Variants in TASP1 observed in about 807,000 individuals in gnomAD.
The protein encoded by TASP1 is threonine aspartase 1.
TASP1 carries 16 observed loss-of-function variants against 56.6 expected under a neutral mutation model. The ratio of observed to expected loss-of-function variants is 0.28; its 90% CI spans 0.19 to 0.43. The LOEUF (loss-of-function observed/expected upper bound fraction) is 0.43, where lower values mean the gene tolerates loss of function less well. Ranked by LOEUF, TASP1 falls within the 20% of genes least tolerant of loss-of-function variation. The pLI is 1.00. For missense variants in TASP1, 393 were observed against 511.6 expected (o/e 0.77, Z 2.24); for synonymous variants, 179 against 184.2 (o/e 0.97, Z 0.23).
chr20:13,116,526 A>C, the TASP1 span, among the ~76,000 whole-genome samples: 1 of 152,132 alleles, frequency 6.6e-6, no homozygotes, highest in Admixed American at 6.5e-5. Context: ...TTATTCATAG[A>C]CTACATTTTT....
the TASP1 span, among the ~76,000 whole-genome samples, chr20:13,353,108 C>T: frequency 6.6e-6 from 1 of 152,114 alleles, no homozygotes; most frequent in African/African-American, 2.4e-5. Context: ...GCTTACTGGG[C>T]ACCTGTAGTC....
chr20:13,588,047 G>A (rs1006982359), intron 4 of TASP1, among the ~76,000 whole-genome samples: 1 of 151,940 alleles, frequency 6.6e-6, no homozygotes, highest in African/African-American at 2.4e-5. Flanking sequence ...GATCACTGAA[G>A]CCTAGGAGAT....
At chr20:13,186,393 G>T in the TASP1 span, among the ~76,000 whole-genome samples, 1 of 152,106 alleles carries the variant, frequency 6.6e-6, no homozygotes, top group African/African-American at 2.4e-5. Flanking sequence ...ACCTAAAGAG[G>T]CTGCAGGGGA....
chr20:13,617,430 G>GA (rs972044333), intron 4 of TASP1, among the ~76,000 whole-genome samples: 4 of 151,970 alleles, frequency 2.6e-5, no homozygotes, highest in African/African-American at 9.7e-5. Context: ...ATCAATGGAA[G>GA]AAAAAAATGA....
chr20:13,390,591 C>A, intron 13 of TASP1, 139 bp from the exon 14 acceptor site: 1 of 648,834 alleles, frequency 1.5e-6, no homozygotes, highest in South Asian at 1.8e-5. Flanking sequence ...ACAGACTGTA[C>A]CACTGGTAAA....
chr20:13,463,633 T>C (rs1195812035), intron 11 of TASP1, among the ~76,000 whole-genome samples: 1 of 152,052 alleles, frequency 6.6e-6, no homozygotes, highest in East Asian at 1.9e-4. Context: ...ATCCAGAATA[T>C]ACAAAGAACT....
chr20:13,382,154 T>C, the TASP1 span, among the ~76,000 whole-genome samples: 1 of 152,160 alleles, frequency 6.6e-6, no homozygotes, highest in Non-Finnish European at 1.5e-5. Flanking sequence ...GAGCTGGAAG[T>C]TGGGGGGCAG....
intron 10 of TASP1, among the ~76,000 whole-genome samples, chr20:13,489,588 A>C (rs541571885): frequency 1.3e-5 from 2 of 152,280 alleles, no homozygotes; most frequent in South Asian, 4.1e-4. Context: ...CAGGAGGGAA[A>C]GGACAGACCT....
At position 13,483,251 on chromosome 20, in the gene TASP1, C is replaced by T; in HGVS notation, c.961G>A (p.Glu321Lys). 6.3e-7 allele frequency: 1 copy of T among 1,595,432 alleles called. No homozygotes were observed. Among genetic ancestry groups the T allele is most frequent in the Non-Finnish European group, 8.5e-7 (1 of 1,170,576 alleles). The change falls in exon 11 of 14, where the codon GAG becomes AAG. Residue 321 changes from glutamate to lysine, a missense_variant. Glu to Lys is a moderately conservative substitution (Grantham distance 56). Transcript: ENST00000337743. The stretch of plus-strand genomic sequence containing the variant: ...CTGATAAACTTGTTTTGCATAGTCT[C>T]CAACAGGGCTTGGTGAGCATCCTCA... Reference protein sequence around the residue: ...QAEDAHQALLETMQNKFISSP... With the variant: ...QAEDAHQALLKTMQNKFISSP...
intron 4 of TASP1, among the ~76,000 whole-genome samples, chr20:13,612,772 C>A (rs1042163172): frequency 6.6e-6 from 1 of 152,138 alleles, no homozygotes. Context: ...GAAATCCTGG[C>A]ATTCAGATGG....
At chr20:13,422,989 ACT>A (rs1327820612) in intron 12 of TASP1, among the ~76,000 whole-genome samples, 7 of 152,054 alleles carry the variant, frequency 4.6e-5, no homozygotes, top group African/African-American at 1.7e-4. Flanking sequence ...AAAATTACAC[ACT>A]CTTTGACCTA....
rs188237326 is a variant in TASP1 at position 13,546,770 on chromosome 20, T to C, written c.675+12238A>G. 2.9e-3 allele frequency among the ~76,000 whole-genome samples: 443 copies of C among 152,288 alleles called. 4 individuals are homozygous for C. Among genetic ancestry groups the C allele is most frequent in the Admixed American group, 0.026 (400 of 15,288 alleles). On this transcript the variant is annotated intron_variant, in intron 8 of 13. Transcript: ENST00000337743. Reference sequence around the variant, plus strand: ...ACCTCTTTGGAATGGCCAGTGGAGATTGTGGGCTGTTTCAAGCTATTATTT... The same window carrying C: ...ACCTCTTTGGAATGGCCAGTGGAGACTGTGGGCTGTTTCAAGCTATTATTT...
At chr20:13,220,939 C>A in the TASP1 span, among the ~76,000 whole-genome samples, 1 of 152,208 alleles carries the variant, frequency 6.6e-6, no homozygotes, top group African/African-American at 2.4e-5. Context: ...TACCCGCGCC[C>A]GTCACAGCGA....
intron 4 of TASP1, among the ~76,000 whole-genome samples, chr20:13,611,798 T>C (rs938159333): frequency 3.9e-5 from 6 of 152,236 alleles, no homozygotes; most frequent in African/African-American, 1.4e-4. Context: ...GCATGCTCCA[T>C]GTGGCCAGAT....
chr20:13,388,726 G>GTTCTCAGCCTCATTAA (rs2041182436), downstream of TASP1, among the ~76,000 whole-genome samples: 2 of 152,154 alleles, frequency 1.3e-5, no homozygotes, highest in Non-Finnish European at 2.9e-5. Context: ...CTCTCACTAA[G>GTTCTCAGCCTCATTAA]TTCTCAGCCT....
At chr20:13,570,062 T>G (rs2046660188) in intron 6 of TASP1, among the ~76,000 whole-genome samples, 1 of 152,116 alleles carries the variant, frequency 6.6e-6, no homozygotes, top group Non-Finnish European at 1.5e-5. Context: ...CTTACATTTC[T>G]AAGCCCTGAT....
intron 4 of TASP1, among the ~76,000 whole-genome samples, chr20:13,617,569 G>A (rs1470092722): frequency 1.3e-5 from 2 of 152,096 alleles, no homozygotes; most frequent in African/African-American, 4.8e-5. Flanking sequence ...GGGGGGCAGG[G>A]GGCGCTGGGG....
At chr20:13,319,367 C>G in the TASP1 span, among the ~76,000 whole-genome samples, 3 of 152,062 alleles carry the variant, frequency 2.0e-5, no homozygotes, top group East Asian at 5.8e-4. Context: ...TAATCAGAAA[C>G]TGGAAGTTAT....
chr20:13,356,071 T>G, the TASP1 span, among the ~76,000 whole-genome samples: 1,600 of 152,296 alleles, frequency 0.011, 26 homozygotes, highest in African/African-American at 0.037. Flanking sequence ...TTATTCCCAC[T>G]GGATATTTGG....
Sources: allele counts gnomAD v4.1 joint callset (sites outside exome capture counted in the v4.1 genomes callset), GRCh38; gene constraint gnomAD v4.1.1; transcripts MANE v1.5; gene names NCBI Gene and HGNC (gene_info 2026-07-23, HGNC 2026-07-21).